PCSK5: variants seen among roughly 807,000 people sequenced by gnomAD.
The protein encoded by PCSK5 is proprotein convertase subtilisin/kexin type 5, also known as prohormone convertase 5.
A neutral mutation model predicts 233.2 loss-of-function variants in PCSK5; 129 were observed. The ratio of observed to expected loss-of-function variants is 0.55; its 90% CI spans 0.48 to 0.64. PCSK5 has a LOEUF of 0.64. Ranked by LOEUF, PCSK5 falls within the 30% of genes least tolerant of loss-of-function variation. The pLI is 0.00. For synonymous variants in PCSK5, 825 were observed against 879.2 expected, an observed-to-expected ratio of 0.94 and a Z score of 1.09; for missense variants, 2,076 against 2,430.1, an observed-to-expected ratio of 0.85 and a Z score of 3.06.
At chr9:75,906,164 C>T (rs117163812) in intron 1 of PCSK5, among the ~76,000 whole-genome samples, 2 of 152,172 alleles carry the variant, frequency 1.3e-5, no homozygotes, top group East Asian at 3.9e-4. Context: ...TAAAGTGTGA[C>T]CAAGGGTGAG....
chr9:75,929,944 C>A (rs1479013803), intron 1 of PCSK5, among the ~76,000 whole-genome samples: 3 of 151,618 alleles, frequency 2.0e-5, no homozygotes, highest in African/African-American at 7.3e-5. Context: ...CTCACTGCAA[C>A]CTCCGCCTCC....
intron 3 of PCSK5, among the ~76,000 whole-genome samples, chr9:76,020,260 A>G (rs1188390872): frequency 6.6e-6 from 1 of 152,186 alleles, no homozygotes; most frequent in Non-Finnish European, 1.5e-5. Context: ...CATTTCAACT[A>G]GGCGGTTAAG....
intron 9 of PCSK5, among the ~76,000 whole-genome samples, chr9:76,117,513 T>A (rs138442716): frequency 1.1e-3 from 170 of 152,244 alleles, no homozygotes; most frequent in African/African-American, 3.9e-3. Flanking sequence ...ACACTTGGTT[T>A]TTGTGAGTTT....
chr9:76,053,577 A>T (rs1829712683), intron 5 of PCSK5, among the ~76,000 whole-genome samples: 1 of 152,140 alleles, frequency 6.6e-6, no homozygotes, highest in Non-Finnish European at 1.5e-5. Flanking sequence ...ATTTCCATAG[A>T]TCTCTAGGGC....
intron 2 of PCSK5, among the ~76,000 whole-genome samples, chr9:75,965,422 G>C (rs72728995): frequency 0.15 from 22,653 of 152,120 alleles, 1,898 homozygotes; most frequent in Non-Finnish European, 0.17. Context: ...ATTCCAGCCT[G>C]AGTCCAAAGG....
chr9:76,112,924 C>T (rs565680689), intron 9 of PCSK5, among the ~76,000 whole-genome samples: 2 of 152,178 alleles, frequency 1.3e-5, no homozygotes, highest in South Asian at 2.1e-4. Context: ...AATTTGTATC[C>T]TCCACGACAC....
In PCSK5 at chr9:76,357,853, T is replaced by C. The variant is rs553314572; in HGVS notation, c.5255-660T>C. Among the ~76,000 whole-genome samples the C allele has an allele frequency of 1.1e-3, 164 of 152,332 alleles. 1 individual carries two copies. The highest frequency in any genetic ancestry group is 1.8e-3 in the Non-Finnish European group (121 of 68,030). On this transcript the variant is annotated intron_variant, in intron 37 of 37. Coordinates refer to ENST00000674117, the MANE Select transcript of PCSK5 (RefSeq NM_001372043.1). ...CACATGGCTCTCAGAGTCAGTAGTT[T>C]TATAAATTATCTGCTCTTGCCCTTA...
chr9:76,242,113 T>C (rs535481276), intron 24 of PCSK5, among the ~76,000 whole-genome samples: 1 of 152,320 alleles, frequency 6.6e-6, no homozygotes, highest in Non-Finnish European at 1.5e-5. Context: ...CATAATAGTT[T>C]TACATATTTA....
intron 9 of PCSK5, among the ~76,000 whole-genome samples, chr9:76,125,915 A>G (rs1245869835): frequency 6.6e-6 from 1 of 151,742 alleles, no homozygotes; most frequent in Non-Finnish European, 1.5e-5. Context: ...AGCAATCTTT[A>G]TAGCAGGAAA....
chr9:76,213,243 A>C (rs1425344501), intron 20 of PCSK5, among the ~76,000 whole-genome samples: 1 of 152,192 alleles, frequency 6.6e-6, no homozygotes, highest in African/African-American at 2.4e-5. Flanking sequence ...ATAAAATTTC[A>C]TGGGAGGCCA....
chr9:76,358,718 G>A lies in PCSK5; in HGVS notation c.5460G>A (p.Lys1820=). The part of the protein sequence containing the change: ...ADPNKSYSSY[K]SSYRESTSFE... ...CCAACAAGTCTTACTCCTCCTATAAGAGCAGCTATAGAGAGAGCACCAGCT... is the reference window on the plus strand; with the variant it reads ...CCAACAAGTCTTACTCCTCCTATAAAAGCAGCTATAGAGAGAGCACCAGCT... Residue 1820 remains lysine, a synonymous_variant, in exon 38 of 38, where the codon AAG becomes AAA. Coordinates refer to ENST00000674117, the MANE Select transcript of PCSK5 (RefSeq NM_001372043.1). 6.2e-7 allele frequency: 1 copy of A among 1,612,886 alleles called. No individual in the cohort carries two copies. Among genetic ancestry groups the A allele is most frequent in the African/African-American group, 1.3e-5 (1 of 75,030 alleles).
chr9:75,900,404 T>G (rs1041496098), intron 1 of PCSK5, among the ~76,000 whole-genome samples: 2 of 152,042 alleles, frequency 1.3e-5, no homozygotes, highest in Non-Finnish European at 2.9e-5. Context: ...TTTGGCCAGG[T>G]GAAGAGGCTC....
Position 76,058,296 on chromosome 9 carries a change from C to G in PCSK5, c.633-9659C>G, listed in dbSNP as rs567768538. ...CAGCCTGGAGGTATTTTTTAATAAGCTCAGGGCCTTGGTTCAGTGGGATGA... is the reference window on the plus strand; with the variant it reads ...CAGCCTGGAGGTATTTTTTAATAAGGTCAGGGCCTTGGTTCAGTGGGATGA... On this transcript the variant is annotated intron_variant, in intron 5 of 37. Transcript: ENST00000674117. 2.6e-5 allele frequency among the ~76,000 whole-genome samples: 4 copies of G among 152,206 alleles called. 1 individual carries two copies. In the South Asian group the frequency reaches 8.3e-4, roughly 32 times the overall value.
At chr9:76,049,305 A>C (rs982351910) in intron 5 of PCSK5, among the ~76,000 whole-genome samples, 1 of 152,184 alleles carries the variant, frequency 6.6e-6, no homozygotes, top group African/African-American at 2.4e-5. Flanking sequence ...AAAATGTTGA[A>C]TAGATCATTA....
At chr9:76,298,545 A>G (rs995907108) in intron 27 of PCSK5, among the ~76,000 whole-genome samples, 8 of 152,208 alleles carry the variant, frequency 5.3e-5, no homozygotes, top group African/African-American at 1.9e-4. Flanking sequence ...AGCTTCCCCC[A>G]GCATAGTGTA....
At chr9:76,248,700 C>T (rs1268258619) in intron 24 of PCSK5, among the ~76,000 whole-genome samples, 1 of 152,210 alleles carries the variant, frequency 6.6e-6, no homozygotes, top group Non-Finnish European at 1.5e-5. Context: ...TTATACATAA[C>T]ATCACTATTA....
At chr9:76,212,504 T>C (rs964520868) in intron 20 of PCSK5, among the ~76,000 whole-genome samples, 1 of 152,244 alleles carries the variant, frequency 6.6e-6, no homozygotes, top group Non-Finnish European at 1.5e-5. Flanking sequence ...GCCTGTGGCA[T>C]GTGGTTAAAC....
At chr9:76,187,113 G>T (rs564240689) in intron 17 of PCSK5, among the ~76,000 whole-genome samples, 10 of 152,098 alleles carry the variant, frequency 6.6e-5, no homozygotes, top group African/African-American at 2.2e-4. Context: ...CTTTGTTTTT[G>T]TACTTTCCAA....
chr9:75,958,860 T>G (rs971593742), intron 2 of PCSK5, among the ~76,000 whole-genome samples: 1 of 152,226 alleles, frequency 6.6e-6, no homozygotes, highest in African/African-American at 2.4e-5. Flanking sequence ...GCATTGTATT[T>G]ATCCATTCAT....
Sources: gnomAD v4.1 joint callset for allele counts (sites outside exome capture counted in the v4.1 genomes callset) on GRCh38, gnomAD v4.1.1 for gene constraint, MANE v1.5 for transcripts, NCBI Gene and HGNC (gene_info 2026-07-23, HGNC 2026-07-21) for gene names.